Variants in AOPEP observed in about 807,000 individuals in gnomAD.
AOPEP encodes aminopeptidase O.
A neutral mutation model predicts 98.1 loss-of-function variants in AOPEP; 77 were observed. The observed-to-expected ratio is 0.78, with a 90% CI of 0.65 to 0.95. AOPEP has a LOEUF of 0.95. Among genes scored for constraint, AOPEP ranks in the 40% least tolerant of loss-of-function variants. The pLI is 0.00. For synonymous variants in AOPEP, 346 were observed against 365.3 expected (o/e 0.95, Z 0.60); for missense variants, 1,024 against 1,024.7 (o/e 1.00, Z 0.01).
chr9:95,120,969 C>T, the AOPEP span, among the ~76,000 whole-genome samples: 1 of 152,158 alleles, frequency 6.6e-6, no homozygotes, highest in Non-Finnish European at 1.5e-5. Flanking sequence ...CCCCACACTG[C>T]CTGCCTTCCA....
At chr9:94,830,646 T>C (rs1004847943) in intron 5 of AOPEP, among the ~76,000 whole-genome samples, 15 of 152,260 alleles carry the variant, frequency 9.9e-5, no homozygotes, top group African/African-American at 2.7e-4. Flanking sequence ...TCCACGATGG[T>C]TGAAATAATT....
chr9:95,108,727 A>G, the AOPEP span, among the ~76,000 whole-genome samples: 2 of 152,240 alleles, frequency 1.3e-5, no homozygotes, highest in East Asian at 1.9e-4. Context: ...AAAATGATCT[A>G]TAACTCTACC....
intron 13 of AOPEP, among the ~76,000 whole-genome samples, chr9:95,011,237 T>TA (rs2062485484): frequency 7.6e-6 from 1 of 131,568 alleles, no homozygotes; most frequent in African/African-American, 3.0e-5. Flanking sequence ...TTTTTTTTGA[T>TA]ACGAAGTCTC....
Position 94,825,166 on chromosome 9 carries a change from A to C in AOPEP, c.1364+24164A>C, listed in dbSNP as rs1854213507. Among the ~76,000 whole-genome samples, 4 of 152,250 alleles carry C rather than the reference A, an allele frequency of 2.6e-5. No individual in the cohort carries two copies. In the South Asian group the frequency reaches 8.3e-4, roughly 32 times the overall value. On this transcript the variant is annotated intron_variant, in intron 5 of 16. Transcript: ENST00000375315. Reference sequence around the variant, plus strand: ...GGAAATTGGCCTCCCCCAAGTTACTATTTTTAAAGTTTGCTTGCCTACTGA... The same window carrying C: ...GGAAATTGGCCTCCCCCAAGTTACTCTTTTTAAAGTTTGCTTGCCTACTGA...
chr9:94,819,476 C>T (rs1233543667), intron 5 of AOPEP, among the ~76,000 whole-genome samples: 2 of 152,332 alleles, frequency 1.3e-5, no homozygotes, highest in Admixed American at 6.5e-5. Flanking sequence ...CAGCCCTCCC[C>T]GGGGCATACA....
In AOPEP at chr9:94,772,496, C is replaced by T. The variant is rs1049001783; in HGVS notation, c.798-506C>T. ...CTTGGCCTCCACACAAGGATTCCCA[C>T]AAGGGTTCTATTTGAGATGGTGGCT... On this transcript the variant is annotated intron_variant, in intron 2 of 16. Coordinates refer to ENST00000375315, the MANE Select transcript of AOPEP (RefSeq NM_001193329.3). 8.5e-5 allele frequency among the ~76,000 whole-genome samples: 13 copies of T among 152,278 alleles called. No homozygotes were observed. In the South Asian group the frequency reaches 2.7e-3, roughly 32 times the overall value.
rs773044361 is a variant in AOPEP at position 94,760,403 on chromosome 9, C to T, written c.620C>T (p.Ala207Val). The change falls in exon 2 of 17, where the codon GCT (alanine) becomes GTT (valine). Residue 207 changes from alanine (A) to valine (V), a missense_variant. Physicochemically the swap from Ala to Val is moderately conservative, Grantham distance 64. Coordinates refer to ENST00000375315, the MANE Select transcript of AOPEP (RefSeq NM_001193329.3). ...TGGAGGGAGCAGTTAGACTATTACG[C>T]TCGCTGCAGCCAGGCTCCTGGCTGT... ...NRWREQLDYY[A>V]RCSQAPGCGE... 1.9e-6 allele frequency: 3 copies of T among 1,613,998 alleles called. No individual in the cohort carries two copies. In the East Asian group the frequency reaches 6.7e-5, roughly 36 times the overall value.
intron 5 of AOPEP, among the ~76,000 whole-genome samples, chr9:94,906,574 A>G (rs1030855695): frequency 1.3e-5 from 2 of 151,558 alleles, no homozygotes; most frequent in Non-Finnish European, 2.9e-5. Flanking sequence ...ATGCTGAGGT[A>G]GGAGGATTGC....
chr9:95,108,271 G>A, the AOPEP span, among the ~76,000 whole-genome samples: 7 of 152,286 alleles, frequency 4.6e-5, no homozygotes, highest in South Asian at 6.2e-4. Flanking sequence ...GCTCTTCCAC[G>A]GGGAGCGGCA....
intron 1 of AOPEP, 63 bp downstream of exon 1, chr9:94,726,814 G>C (rs1410767550): frequency 3.9e-5 from 6 of 152,344 alleles, no homozygotes; most frequent in Non-Finnish European, 8.8e-5. Flanking sequence ...GATGGCGGCG[G>C]GGACAGCATC....
intron 14 of AOPEP, among the ~76,000 whole-genome samples, chr9:95,068,790 A>G (rs2068176035): frequency 6.6e-6 from 1 of 152,174 alleles, no homozygotes; most frequent in Admixed American, 6.5e-5. Context: ...GCTCTTGAAC[A>G]GAAGGGTATC....
chr9:94,811,781 T>C (rs1850655039), intron 5 of AOPEP, among the ~76,000 whole-genome samples: 1 of 152,212 alleles, frequency 6.6e-6, no homozygotes, highest in Admixed American at 6.5e-5. Flanking sequence ...GCTTAAGTGT[T>C]GTCTGGGGAG....
intron 1 of AOPEP, among the ~76,000 whole-genome samples, chr9:94,747,100 A>G (rs907345217): frequency 1.3e-5 from 2 of 151,868 alleles, no homozygotes; most frequent in Non-Finnish European, 2.9e-5. Context: ...CATGATCACA[A>G]ATTATATGCA....
chr9:94,897,213 T>C (rs563874411), intron 5 of AOPEP, among the ~76,000 whole-genome samples: 12 of 152,148 alleles, frequency 7.9e-5, no homozygotes, highest in Non-Finnish European at 1.6e-4. Context: ...AATAGTTTGT[T>C]GCTTGAGAAG....
the AOPEP span, among the ~76,000 whole-genome samples, chr9:95,095,911 C>CA: frequency 6.6e-6 from 1 of 152,308 alleles, no homozygotes; most frequent in South Asian, 2.1e-4. Context: ...CACTGAGGAA[C>CA]AAAGAAGTTC....
chr9:95,110,552 T>C, the AOPEP span: 358 of 1,032,292 alleles, frequency 3.5e-4, 4 homozygotes, highest in East Asian at 0.016. Context: ...CAAAATAAAT[T>C]ATCACCAAAT....
intron 7 of AOPEP, chr9:94,933,751 TTA>T: frequency 1.2e-6 from 1 of 845,196 alleles, no homozygotes; most frequent in African/African-American, 1.8e-5. Flanking sequence ...TTTATTTTTT[TTA>T]ATTTTTTTTT....
At chr9:94,774,479 A>G (rs1226470053) in intron 3 of AOPEP, among the ~76,000 whole-genome samples, 1 of 152,112 alleles carries the variant, frequency 6.6e-6, no homozygotes, top group Non-Finnish European at 1.5e-5. Flanking sequence ...TTGTGCAGTT[A>G]TCATCCTCAA....
chr9:94,851,558 C>G (rs1469296058), intron 5 of AOPEP, among the ~76,000 whole-genome samples: 3 of 151,778 alleles, frequency 2.0e-5, no homozygotes, highest in South Asian at 2.1e-4. Flanking sequence ...CGAGCCTTCC[C>G]TAACTTAACC....
Sources: allele counts gnomAD v4.1 joint callset (sites outside exome capture counted in the v4.1 genomes callset), GRCh38; gene constraint gnomAD v4.1.1; transcripts MANE v1.5; gene names NCBI Gene and HGNC (gene_info 2026-07-23, HGNC 2026-07-21).